The following ELL2 variants were observed in gnomAD, a reference collection of about 807,000 sequenced individuals.
The protein encoded by ELL2 is elongation factor for RNA polymerase II 2, also known as RNA polymerase II elongation factor ELL2.
ELL2 carries 21 observed loss-of-function variants against 72.8 expected under a neutral mutation model. The ratio of observed to expected loss-of-function variants is 0.29; its 90% CI spans 0.20 to 0.42. The LOEUF (loss-of-function observed/expected upper bound fraction) is 0.42. Ranked by LOEUF, ELL2 falls within the 10% of genes least tolerant of loss-of-function variation. The probability of loss-of-function intolerance (pLI) is 1.00; values close to 1 mark genes in which losing one functional copy is unlikely to be tolerated. For missense variants in ELL2, 568 were observed against 772.8 expected (o/e 0.73, Z 3.14); for synonymous variants, 266 against 283.2 (o/e 0.94, Z 0.61).
intron 9 of ELL2, among the ~76,000 whole-genome samples, chr5:95,894,393 A>G (rs952631177): frequency 3.9e-5 from 6 of 152,244 alleles, no homozygotes; most frequent in Admixed American, 3.9e-4. Context: ...AGAATTCAAA[A>G]AAGAACAAGA....
intron 1 of ELL2, among the ~76,000 whole-genome samples, chr5:95,954,583 CTTTTT>C (rs768347567): frequency 1.0e-5 from 1 of 98,664 alleles, no homozygotes. Flanking sequence ...ATTTTCTTTT[CTTTTT>C]TTTTTTTCTT....
At position 95,907,294 on chromosome 5, in the gene ELL2, A is replaced by ATTTTTTTTTTTTTTT. The variant is rs201354039; in HGVS notation, c.482-513_482-512insAAAAAAAAAAAAAAA. Among the ~76,000 whole-genome samples the ATTTTTTTTTTTTTTT allele has an allele frequency of 4.2e-3, 337 of 79,450 alleles. 1 individual carries two copies. The highest frequency in any genetic ancestry group is 0.021 in the South Asian group (43 of 2,040). 52.1% of individuals were successfully genotyped at this position (79,450 alleles called of 152,430 possible). ...CCGTTAGTGATATATATATATATAT[A>ATTTTTTTTTTTTTTT]TATTTTTTTTTTTTACAGGCCAAGA... is the stretch of plus-strand genomic sequence containing the variant. On this transcript the variant is annotated intron_variant, in intron 4 of 11. Transcript: ENST00000237853.
At chr5:95,952,880 CCAGT>C (rs1223087342) in intron 1 of ELL2, among the ~76,000 whole-genome samples, 2 of 151,968 alleles carry the variant, frequency 1.3e-5, no homozygotes, top group Non-Finnish European at 2.9e-5. Context: ...CATTCAGAGG[CCAGT>C]CAAACAGAGG....
In ELL2 at chr5:95,960,303, T is replaced by C. The variant is rs530559055; in HGVS notation, c.147+1272A>G. 2.0e-5 allele frequency among the ~76,000 whole-genome samples: 3 copies of C among 152,054 alleles called. No homozygotes were observed. In the South Asian group the frequency reaches 6.3e-4, roughly 32 times the overall value. On this transcript the variant is annotated intron_variant, in intron 1 of 11. Transcript: ENST00000237853. ...GTAAAACGTTACAGGTTCCCCCATA[T>C]GGCATATCCCTCCCTCACGCGATGT...
At chr5:95,936,686 A>C (rs1750784898) in intron 2 of ELL2, among the ~76,000 whole-genome samples, 1 of 152,052 alleles carries the variant, frequency 6.6e-6, no homozygotes, top group African/African-American at 2.4e-5. Context: ...AGTAGGCTGC[A>C]GTGAGCTATG....
At chr5:95,928,160 G>T (rs1444738478) in intron 2 of ELL2, among the ~76,000 whole-genome samples, 1 of 152,070 alleles carries the variant, frequency 6.6e-6, no homozygotes, top group Admixed American at 6.5e-5. Flanking sequence ...TCAGGGAAAA[G>T]ATATACAGAC....
At position 95,888,875 on chromosome 5, in the gene ELL2, G is replaced by C. The variant is rs1383670516; in HGVS notation, c.1919C>G (p.Ser640Cys). The C allele has an allele frequency of 5.0e-6, 8 of 1,600,868 alleles. No homozygotes were observed. The highest frequency in any genetic ancestry group is 1.7e-5 in the Admixed American group (1 of 58,558). The change falls in exon 12 of 12, where the codon TCC (serine) becomes TGC (cysteine). Residue 640 changes from serine to cysteine, a missense_variant. Physicochemically the swap from Ser to Cys is moderately radical, Grantham distance 112. Transcript: ENST00000237853. Reference sequence around the variant, plus strand: ...TCTTCTGGTCCAAGCAGAGTTCTAGGACCATGACTCTGCTTGCTGTTGGTC... The same window carrying C: ...TCTTCTGGTCCAAGCAGAGTTCTAGCACCATGACTCTGCTTGCTGTTGGTC... ...EFDQQQAESW[S>C]
intron 2 of ELL2, 46 bp from the exon 3 acceptor site, chr5:95,919,591 C>T (rs1749969443): frequency 3.9e-6 from 6 of 1,522,698 alleles, no homozygotes; most frequent in Non-Finnish European, 5.2e-6. Context: ...TATAAATTTG[C>T]CATAGAAAAG....
chr5:95,936,246 T>C lies in ELL2; in HGVS notation c.195+6756A>G, dbSNP rs1029359969. On this transcript the variant is annotated intron_variant, in intron 2 of 11. Coordinates refer to ENST00000237853, the MANE Select transcript of ELL2 (RefSeq NM_012081.6). ...CTCATTTACTGATGTAGTTTTCTCATATTAGAGAGGTCAGAGGTTACCCAG... is the reference window on the plus strand; with the variant it reads ...CTCATTTACTGATGTAGTTTTCTCACATTAGAGAGGTCAGAGGTTACCCAG... 7.2e-5 allele frequency among the ~76,000 whole-genome samples: 11 copies of C among 152,224 alleles called. No homozygotes were observed. The South Asian group carries it at 1.0e-3, about 14-fold the overall frequency.
chr5:95,902,923 A>C (rs938189500), intron 5 of ELL2, among the ~76,000 whole-genome samples: 4 of 146,684 alleles, frequency 2.7e-5, no homozygotes, highest in African/African-American at 1.1e-4. Context: ...CTGGGACTAC[A>C]GGTGGACACC....
chr5:95,932,993 G>A (rs1750649747), intron 2 of ELL2, among the ~76,000 whole-genome samples: 1 of 152,114 alleles, frequency 6.6e-6, no homozygotes, highest in Admixed American at 6.5e-5. Context: ...ACAAGGCACT[G>A]GATGTTACTT....
At chr5:95,910,265 T>TA (rs1032375875) in intron 4 of ELL2, among the ~76,000 whole-genome samples, 1 of 151,670 alleles carries the variant, frequency 6.6e-6, no homozygotes, top group African/African-American at 2.4e-5. Context: ...AAAAAAATAA[T>TA]AAGGAGGGTG....
intron 3 of ELL2, among the ~76,000 whole-genome samples, chr5:95,917,464 C>T (rs1477178773): frequency 6.6e-6 from 1 of 152,128 alleles, no homozygotes; most frequent in Non-Finnish European, 1.5e-5. Flanking sequence ...GAAGAGCATG[C>T]ACTGTGGTCA....
intron 2 of ELL2, among the ~76,000 whole-genome samples, chr5:95,931,854 T>C (rs1408388090): frequency 7.2e-6 from 1 of 138,396 alleles, no homozygotes; most frequent in Non-Finnish European, 1.5e-5. Context: ...TCCCAGATAC[T>C]AGCTACAGCA....
chr5:95,948,378 C>A (rs187172266), intron 1 of ELL2, among the ~76,000 whole-genome samples: 3 of 137,874 alleles, frequency 2.2e-5, no homozygotes, highest in Non-Finnish European at 4.5e-5. Flanking sequence ...TGCAGTGAGC[C>A]GAGATGGCGC....
intron 7 of ELL2, among the ~76,000 whole-genome samples, 191 bp from the exon 8 acceptor site, chr5:95,899,001 G>GAAC (rs1310875697): frequency 1.3e-5 from 2 of 152,046 alleles, no homozygotes; most frequent in African/African-American, 2.4e-5. Context: ...AACTAAACCA[G>GAAC]AACAACAACA....
intron 8 of ELL2, among the ~76,000 whole-genome samples, chr5:95,896,678 T>C (rs1056222811): frequency 9.9e-5 from 15 of 152,226 alleles, no homozygotes; most frequent in African/African-American, 2.7e-4. Context: ...CCTTCTGCCA[T>C]AGACACCAGA....
rs185414422 is a variant in ELL2 at position 95,924,321 on chromosome 5, G to A, written c.196-4776C>T. Among the ~76,000 whole-genome samples, 5 of 152,334 alleles carry A rather than the reference G, an allele frequency of 3.3e-5. No homozygotes were observed. In the East Asian group the frequency reaches 9.6e-4, roughly 29 times the overall value. On this transcript the variant is annotated intron_variant, in intron 2 of 11. Coordinates refer to ENST00000237853, the MANE Select transcript of ELL2 (RefSeq NM_012081.6). Reference sequence around the variant, plus strand: ...AATACGAGGAGGAGGAAGTGAAAATGTACTGACTGCTACTGGTAGACCTAG... The same window carrying A: ...AATACGAGGAGGAGGAAGTGAAAATATACTGACTGCTACTGGTAGACCTAG...
chr5:95,920,277 A>ATATTTATTTATTTATT (rs70978197), intron 2 of ELL2, among the ~76,000 whole-genome samples: 4 of 135,240 alleles, frequency 3.0e-5, no homozygotes, highest in African/African-American at 8.2e-5. Flanking sequence ...TAAATTTTTA[A>ATATTTATTTATTTATT]TATTTATTTA....
Sources: allele counts gnomAD v4.1 joint callset (sites outside exome capture counted in the v4.1 genomes callset), GRCh38; gene constraint gnomAD v4.1.1; transcripts MANE v1.5; gene names NCBI Gene and HGNC (gene_info 2026-07-23, HGNC 2026-07-21).